DNAH11: variants seen among roughly 807,000 people sequenced by gnomAD.
DNAH11 encodes axonemal beta dynein heavy chain 11.
Under a neutral mutation model 526.0 loss-of-function variants are expected in DNAH11, and 442 were observed. That is an observed-to-expected ratio of 0.84 (90% confidence interval 0.78 to 0.91). The LOEUF (loss-of-function observed/expected upper bound fraction) is 0.91. Among genes scored for constraint, DNAH11 ranks in the 40% least tolerant of loss-of-function variants. The pLI, the probability that DNAH11 is intolerant of heterozygous loss-of-function variation, is 0.00. For synonymous variants in DNAH11, 2,461 were observed against 1,935.9 expected (o/e 1.27, Z -7.12); for missense variants, 6,989 against 5,448.7 (o/e 1.28, Z -8.90).
chr7:21,742,775 A>G (rs1385719030), intron 49 of DNAH11, among the ~76,000 whole-genome samples: 1 of 152,226 alleles, frequency 6.6e-6, no homozygotes, highest in East Asian at 1.9e-4. Context: ...CCATTTCATC[A>G]ATGAGAACGG....
In DNAH11 at chr7:21,880,612, A is replaced by C. The variant is rs73077555; in HGVS notation, c.12196-90A>C. ...CTGCCTCTGTAGTATCTCACTCTCA[A>C]AGTTCTTTACAAGATTATTGAAAAC... On this transcript the variant is annotated intron_variant, in intron 74 of 81. Transcript: ENST00000409508. 6,780 of 1,405,228 alleles carry C rather than the reference A, an allele frequency of 4.8e-3. 43 individuals are homozygous for C. The highest frequency in any genetic ancestry group is 0.014 in the South Asian group (1,104 of 80,134). The allele number at this position is 1,405,228 out of a possible 1,614,324, so 87.0% of individuals were successfully genotyped here. A position where few individuals can be genotyped will look rare whatever the true frequency, so the allele number is the denominator to read the frequency against.
chr7:21,796,148 CTCT>C (rs940154278), intron 61 of DNAH11, among the ~76,000 whole-genome samples: 1 of 152,188 alleles, frequency 6.6e-6, no homozygotes, highest in Non-Finnish European at 1.5e-5. Context: ...ATATTGAAGA[CTCT>C]TCTTAATGCC....
At chr7:21,549,006 TG>T (rs1304168859) in intron 2 of DNAH11, among the ~76,000 whole-genome samples, 1 of 151,910 alleles carries the variant, frequency 6.6e-6, no homozygotes, top group Admixed American at 6.6e-5. Context: ...CTCAGCCTCC[TG>T]GGTAGCTGGG....
In DNAH11 at chr7:21,637,678, A is replaced by C; in HGVS notation, c.4793A>C (p.Glu1598Ala). 1 of 1,571,068 alleles carries C rather than the reference A, an allele frequency of 6.4e-7. No homozygotes were observed. Among genetic ancestry groups the C allele is most frequent in the Non-Finnish European group, 8.6e-7 (1 of 1,158,378 alleles). ...LEATCRPNLY[E>A]KLKDLQSRLS... ...GCAACGTGCAGACCTAATCTCTATG[A>C]AAAACTTAAAGATTTACAGTCCAGG... Residue 1598 changes from glutamate (E) to alanine (A), a missense_variant, in exon 27 of 82, where the codon GAA becomes GCA. Glu to Ala is a moderately radical substitution (Grantham distance 107, BLOSUM62 -1). Coordinates refer to ENST00000409508, the MANE Select transcript of DNAH11 (RefSeq NM_001277115.2).
rs150596376 is a variant in DNAH11 at position 21,858,311 on chromosome 7, G to T, written c.11203-3542G>T. 5.4e-3 allele frequency among the ~76,000 whole-genome samples: 827 copies of T among 152,268 alleles called. 6 individuals carry two copies. The highest frequency in any genetic ancestry group is 0.019 in the African/African-American group (785 of 41,552). On this transcript the variant is annotated intron_variant, in intron 68 of 81. Coordinates refer to ENST00000409508, the MANE Select transcript of DNAH11 (RefSeq NM_001277115.2). ...ATAAACCATTTTGGAAAACAGTTTG[G>T]CAGTTTCTTGTAAAGATAAATATAC...
At chr7:21,870,289 C>T (rs1783446575) in intron 73 of DNAH11, among the ~76,000 whole-genome samples, 1 of 152,084 alleles carries the variant, frequency 6.6e-6, no homozygotes, top group African/African-American at 2.4e-5. Flanking sequence ...GGCTCGGTGC[C>T]TTTGGCATTT....
rs200073714 is a variant in DNAH11, at chr7:21,588,578, C to G, written c.1915C>G (p.Gln639Glu). 1 of 1,613,408 alleles carries G rather than the reference C, an allele frequency of 6.2e-7. No homozygotes were observed. The highest frequency in any genetic ancestry group is 1.3e-5 in the African/African-American group (1 of 74,908). The change falls in exon 11 of 82, where the codon CAG becomes GAG. Residue 639 changes from glutamine (Q) to glutamate (E), a missense_variant. Gln to Glu is a conservative substitution (Grantham distance 29). Coordinates refer to ENST00000409508, the MANE Select transcript of DNAH11 (RefSeq NM_001277115.2). ...PFTSGNMKWA[Q>E]QVLQRLQMFW... Reference sequence around the variant, plus strand: ...TACCTCAGGAAATATGAAATGGGCCCAGCAGGTTCTCCAACGACTTCAAAT... The same window carrying G: ...TACCTCAGGAAATATGAAATGGGCCGAGCAGGTTCTCCAACGACTTCAAAT...
In DNAH11 at chr7:21,767,376, C is replaced by G. The variant is rs79075293; in HGVS notation, c.9102+1787C>G. On this transcript the variant is annotated intron_variant, in intron 55 of 81. Coordinates refer to ENST00000409508, the MANE Select transcript of DNAH11 (RefSeq NM_001277115.2). ...TGCTTTTTACAGTTTCTTCCCTTTGCTACTCTGTGCAGGCTTTTTCCTGTC... is the reference window on the plus strand; with the variant it reads ...TGCTTTTTACAGTTTCTTCCCTTTGGTACTCTGTGCAGGCTTTTTCCTGTC... Among the ~76,000 whole-genome samples the G allele has an allele frequency of 7.1e-3, 1,082 of 152,204 alleles. 23 individuals carry two copies. Among genetic ancestry groups the G allele is most frequent in the African/African-American group, 0.025 (1,032 of 41,534 alleles).
At chr7:21,886,684 G>A (rs1026177729) in intron 76 of DNAH11, among the ~76,000 whole-genome samples, 6 of 70,892 alleles carry the variant, frequency 8.5e-5, no homozygotes, top group African/African-American at 2.4e-4. Flanking sequence ...CTGGCCTGTG[G>A]CTGAGGGGAG....
intron 48 of DNAH11, 147 bp from the exon 49 acceptor site, chr7:21,741,780 C>G: frequency 1.1e-6 from 1 of 880,682 alleles, no homozygotes; most frequent in East Asian, 2.7e-5. Flanking sequence ...AAGTAAATCA[C>G]ATGGCCAACC....
rs138798035 is a variant in DNAH11, at chr7:21,782,834, C to T, written c.9484-1593C>T. Among the ~76,000 whole-genome samples, 732 of 151,204 alleles carry T rather than the reference C, an allele frequency of 4.8e-3. 8 individuals are homozygous for T. The highest frequency in any genetic ancestry group is 0.017 in the African/African-American group (692 of 41,148). ...CTGAGGCAGGAGAATTGCTTGAATCCAGGAGGCGGAGGTTGCAGTGAGCCG... is the reference window on the plus strand; with the variant it reads ...CTGAGGCAGGAGAATTGCTTGAATCTAGGAGGCGGAGGTTGCAGTGAGCCG... On this transcript the variant is annotated intron_variant, in intron 57 of 81. Transcript: ENST00000409508.
chr7:21,570,361 TCACA>T, intron 7 of DNAH11, 62 bp downstream of exon 7: 4 of 1,324,392 alleles, frequency 3.0e-6, no homozygotes, highest in African/African-American at 1.5e-5. Context: ...CAGTAGCTTT[TCACA>T]TGATTCATGG....
At chr7:21,545,674 A>G (rs1463190562) in intron 2 of DNAH11, among the ~76,000 whole-genome samples, 3 of 152,228 alleles carry the variant, frequency 2.0e-5, no homozygotes, top group Admixed American at 6.5e-5. Context: ...TCCTCTTAAA[A>G]TAGAGAAATA....
chr7:21,867,924 C>T lies in DNAH11; in HGVS notation c.11756C>T (p.Ala3919Val), dbSNP rs1370011741. 1.3e-6 allele frequency: 2 copies of T among 1,578,620 alleles called. No homozygotes were observed. The highest frequency in any genetic ancestry group is 1.3e-5 in the African/African-American group (1 of 74,256). The change falls in exon 72 of 82, where the codon GCA becomes GTA. Residue 3919 changes from alanine (A) to valine (V), a missense_variant. By Grantham distance (64) the Ala-to-Val change is moderately conservative. Transcript: ENST00000409508. ...AGGACCAGATTGGACTTAGTTAAAG[C>T]ATTCGAAGAAAGCAGCCCAGCCACC... Reference protein sequence around the residue: ...VERTRLDLVKAFEESSPATPI... With the variant: ...VERTRLDLVKVFEESSPATPI...
chr7:21,553,069 G>GGTTTTTTT (rs1783080507), intron 2 of DNAH11, among the ~76,000 whole-genome samples: 1 of 108,384 alleles, frequency 9.2e-6, no homozygotes, highest in African/African-American at 4.9e-5. Context: ...GTATAAATGG[G>GGTTTTTTT]ATTTTTTTTT....
Position 21,735,852 on chromosome 7 carries a change from C to A in DNAH11, c.7645+8C>A. The A allele has an allele frequency of 1.3e-6, 2 of 1,583,128 alleles. No homozygotes were observed. Among genetic ancestry groups the A allele is most frequent in the Non-Finnish European group, 1.7e-6 (2 of 1,161,862 alleles). ...CATCCACAGCTCTGCAAAGTAAGTG[C>A]ACCTGTTTATTTTCTAGAAACAAGG... On this transcript the variant is annotated splice_region_variant and intron_variant, in intron 46 of 81. Coordinates refer to ENST00000409508, the MANE Select transcript of DNAH11 (RefSeq NM_001277115.2).
At chr7:21,705,569 T>G (rs1232427057) in intron 39 of DNAH11, 32 bp downstream of exon 39, 1 of 1,599,772 alleles carries the variant, frequency 6.3e-7, no homozygotes, top group African/African-American at 1.3e-5. Flanking sequence ...CTTACAGCTA[T>G]GGAAAGAACA....
At chr7:21,814,934 G>A (rs60074507) in intron 63 of DNAH11, among the ~76,000 whole-genome samples, 3 of 152,134 alleles carry the variant, frequency 2.0e-5, no homozygotes, top group South Asian at 2.1e-4. Context: ...CAATACTATC[G>A]AAACATCCTA....
chr7:21,786,619 T>C lies in DNAH11; in HGVS notation c.9598-5T>C, dbSNP rs1364924930. Reference sequence around the variant, plus strand: ...GTGTACGTGTTTCTGTGTGCTTTTCTTCAGGTCAACCTCAGTGAGCTGAAA... The same window carrying C: ...GTGTACGTGTTTCTGTGTGCTTTTCCTCAGGTCAACCTCAGTGAGCTGAAA... On this transcript the variant is annotated splice_region_variant and splice_polypyrimidine_tract_variant and intron_variant, in intron 58 of 81. Transcript: ENST00000409508. The C allele has an allele frequency of 6.2e-7, 1 of 1,608,634 alleles. No homozygotes were observed. The highest frequency in any genetic ancestry group is 2.2e-5 in the East Asian group (1 of 44,758).
Sources: gnomAD v4.1 joint callset for allele counts (sites outside exome capture counted in the v4.1 genomes callset) on GRCh38, gnomAD v4.1.1 for gene constraint, MANE v1.5 for transcripts, NCBI Gene and HGNC (gene_info 2026-07-23, HGNC 2026-07-21) for gene names.